DGKG: variants seen among roughly 807,000 people sequenced by gnomAD.
The protein encoded by DGKG is DAG kinase gamma.
A neutral mutation model predicts 105.3 loss-of-function variants in DGKG; 78 were observed. The observed-to-expected ratio is 0.74, with a 90% CI of 0.62 to 0.89. The LOEUF (loss-of-function observed/expected upper bound fraction) is 0.89, where lower values mean the gene tolerates loss of function less well. DGKG is among the 40% of genes least tolerant of loss of function. The probability of loss-of-function intolerance (pLI) is 0.00; values close to 1 mark genes in which losing one functional copy is unlikely to be tolerated. For synonymous variants in DGKG, 346 were observed against 367.1 expected (o/e 0.94, Z 0.66); for missense variants, 958 against 1,020.1 (o/e 0.94, Z 0.83).
intron 1 of DGKG, among the ~76,000 whole-genome samples, chr3:186,357,894 C>T (rs1299990444): frequency 6.6e-6 from 1 of 152,236 alleles, no homozygotes; most frequent in Non-Finnish European, 1.5e-5. Context: ...AAATCACATG[C>T]TGCATGTAAG....
intron 21 of DGKG, among the ~76,000 whole-genome samples, chr3:186,194,616 G>A (rs1250339776): frequency 1.3e-5 from 2 of 152,084 alleles, no homozygotes; most frequent in Non-Finnish European, 2.9e-5. Flanking sequence ...CTGTTTATAG[G>A]CCTGCCACTC....
chr3:186,330,688 A>G (rs1258577445), intron 1 of DGKG, among the ~76,000 whole-genome samples: 1 of 152,230 alleles, frequency 6.6e-6, no homozygotes, highest in African/African-American at 2.4e-5. Context: ...ACTGAAGCCC[A>G]AGATGTAAGA....
chr3:186,322,547 C>A (rs912475442), intron 1 of DGKG, among the ~76,000 whole-genome samples: 2 of 152,070 alleles, frequency 1.3e-5, no homozygotes, highest in Non-Finnish European at 2.9e-5. Context: ...ACCCATATAA[C>A]AAACCTGCAC....
chr3:186,294,669 T>C (rs961179356), intron 5 of DGKG, among the ~76,000 whole-genome samples: 4 of 152,106 alleles, frequency 2.6e-5, no homozygotes, highest in African/African-American at 9.7e-5. Context: ...ATGAGAATGA[T>C]CTATGCCTGA....
At chr3:186,322,099 G>A (rs547682623) in intron 1 of DGKG, among the ~76,000 whole-genome samples, 21 of 152,226 alleles carry the variant, frequency 1.4e-4, no homozygotes, top group African/African-American at 5.1e-4. Flanking sequence ...GGTGTTTCTT[G>A]TCAGTCTCCT....
Position 186,226,467 on chromosome 3 carries a change from C to T in DGKG, c.1827-14582G>A, listed in dbSNP as rs1719866451. Among the ~76,000 whole-genome samples the T allele has an allele frequency of 6.8e-6, 1 of 147,598 alleles. No homozygotes were observed. Among genetic ancestry groups the T allele is most frequent in the Non-Finnish European group, 1.5e-5 (1 of 67,066 alleles). On this transcript the variant is annotated intron_variant, in intron 20 of 24. Coordinates refer to ENST00000265022, the MANE Select transcript of DGKG (RefSeq NM_001346.3). This position sits in a 1 kb window ranked among gnomAD's most constrained non-coding sequence, Gnocchi z 4.2. Reference sequence around the variant, plus strand: ...AAACCGTGATTATGAGCAGCCGCTTCCCCTCTCCCCACCCAAGTTCAGGGG... The same window carrying T: ...AAACCGTGATTATGAGCAGCCGCTTTCCCTCTCCCCACCCAAGTTCAGGGG...
At chr3:186,192,788 A>G (rs1717968989) in intron 21 of DGKG, among the ~76,000 whole-genome samples, 1 of 152,220 alleles carries the variant, frequency 6.6e-6, no homozygotes, top group Non-Finnish European at 1.5e-5. Flanking sequence ...TCTATCTTAT[A>G]GAGTGCTTAG....
chr3:186,184,682 G>C (rs1717535270), intron 22 of DGKG, among the ~76,000 whole-genome samples: 1 of 152,164 alleles, frequency 6.6e-6, no homozygotes, highest in Non-Finnish European at 1.5e-5. Context: ...TTACAGGTGT[G>C]AGCCACTGCG....
chr3:186,170,305 AT>A (rs1293567044), intron 22 of DGKG, among the ~76,000 whole-genome samples: 1 of 152,202 alleles, frequency 6.6e-6, no homozygotes, highest in African/African-American at 2.4e-5. Flanking sequence ...TATTGGGTGG[AT>A]CATTCCCATT....
chr3:186,254,523 C>T (rs1043588296), intron 17 of DGKG, among the ~76,000 whole-genome samples: 3 of 152,184 alleles, frequency 2.0e-5, no homozygotes, highest in Non-Finnish European at 2.9e-5. Context: ...GTCCCCACCT[C>T]GGCAGGTCAA....
At position 186,257,943 on chromosome 3, in the gene DGKG, GGAAGAAGAA is replaced by G. The variant is rs1254876150; in HGVS notation, c.1425-13_1425-5del. 1.9e-6 allele frequency: 3 copies of G among 1,613,484 alleles called. No homozygotes were observed. The African/African-American group carries it at 4.0e-5, about 22-fold the overall frequency. The stretch of plus-strand genomic sequence containing the variant: ...AGTATCACGGAAAAAGTTCAACCTG[GGAAGAAGAA>G]GAAAGGCCAAAATGGGCTTGTTACT... On this transcript the variant is annotated splice_region_variant and splice_polypyrimidine_tract_variant and intron_variant, in intron 16 of 24. Coordinates refer to ENST00000265022, the MANE Select transcript of DGKG (RefSeq NM_001346.3).
At position 186,320,570 on chromosome 3, in the gene DGKG, T is replaced by TGC; in HGVS notation, c.-112_-111insGC. ...CATTGCAGGTTTGCGATGTAAGCCT[T>TGC]TCAGGAGACTTCTGGGAGCACTCAA... On this transcript the variant is annotated 5_prime_UTR_variant, in exon 2 of 25. Coordinates refer to ENST00000265022, the MANE Select transcript of DGKG (RefSeq NM_001346.3). 1 of 1,570,140 alleles carries TGC rather than the reference T, an allele frequency of 6.4e-7. No individual in the cohort carries two copies.
At chr3:186,192,654 A>T (rs1201035497) in intron 21 of DGKG, among the ~76,000 whole-genome samples, 1 of 152,224 alleles carries the variant, frequency 6.6e-6, no homozygotes. Flanking sequence ...AAACCTAGGA[A>T]GGCAGATGCC....
chr3:186,250,296 G>A (rs374177021), intron 19 of DGKG, among the ~76,000 whole-genome samples: 1 of 152,038 alleles, frequency 6.6e-6, no homozygotes, highest in Non-Finnish European at 1.5e-5. Flanking sequence ...ACATGGACAC[G>A]AGGGGGAAAC....
intron 19 of DGKG, among the ~76,000 whole-genome samples, chr3:186,248,831 C>G (rs186332322): frequency 6.6e-6 from 1 of 152,266 alleles, no homozygotes; most frequent in Admixed American, 6.5e-5. Context: ...TGTTTCTGTA[C>G]CTCTCTAAGC....
chr3:186,151,518 G>A (rs555048467), intron 24 of DGKG, among the ~76,000 whole-genome samples: 3 of 152,312 alleles, frequency 2.0e-5, no homozygotes, highest in South Asian at 2.1e-4. Flanking sequence ...GATGAAAAGG[G>A]AGTGGGTAGA....
Position 186,158,681 on chromosome 3 carries a change from A to G in DGKG, c.2277+2922T>C. On this transcript the variant is annotated intron_variant, in intron 24 of 24. Coordinates refer to ENST00000265022, the MANE Select transcript of DGKG (RefSeq NM_001346.3). Reference sequence around the variant, plus strand: ...TCATCCAAGCATTTATTTTTTTGCTACTTAACCTCAAAGATGGAAACAAAT... The same window carrying G: ...TCATCCAAGCATTTATTTTTTTGCTGCTTAACCTCAAAGATGGAAACAAAT... The G allele has an allele frequency of 1.6e-5, 15 of 961,396 alleles. 1 individual carries two copies. In the South Asian group the frequency reaches 7.2e-4, roughly 46 times the overall value. 59.6% of individuals were successfully genotyped at this position (961,396 alleles called of 1,614,324 possible).
intron 2 of DGKG, among the ~76,000 whole-genome samples, chr3:186,308,968 C>T (rs1179625859): frequency 6.6e-6 from 1 of 152,162 alleles, no homozygotes; most frequent in Non-Finnish European, 1.5e-5. Flanking sequence ...ATTAATTCGA[C>T]TTGCTCAAGA....
chr3:186,251,930 C>A lies in DGKG; in HGVS notation c.1601-11G>T. ...TGCCCCCTTCATAACCTGTGGAGGACAGCACTGCATTTGCCACCACAGCAG... is the reference window on the plus strand; with the variant it reads ...TGCCCCCTTCATAACCTGTGGAGGAAAGCACTGCATTTGCCACCACAGCAG... On this transcript the variant is annotated splice_polypyrimidine_tract_variant and intron_variant, in intron 18 of 24. Coordinates refer to ENST00000265022, the MANE Select transcript of DGKG (RefSeq NM_001346.3). The A allele has an allele frequency of 6.5e-7, 1 of 1,550,256 alleles. No individual in the cohort carries two copies. Among genetic ancestry groups the A allele is most frequent in the South Asian group, 1.2e-5 (1 of 80,682 alleles).
Sources: allele counts gnomAD v4.1 joint callset (sites outside exome capture counted in the v4.1 genomes callset), GRCh38; gene constraint gnomAD v4.1.1; non-coding constraint Gnocchi (gnomAD v3.1); transcripts MANE v1.5; gene names NCBI Gene and HGNC (gene_info 2026-07-23, HGNC 2026-07-21).